The following IGF1R variants were observed in gnomAD, a reference collection of about 807,000 sequenced individuals.
IGF1R encodes insulin like growth factor 1 receptor.
Under a neutral mutation model 144.6 loss-of-function variants are expected in IGF1R, and 44 were observed. The ratio of observed to expected loss-of-function variants is 0.30; its 90% confidence interval spans 0.24 to 0.39. The LOEUF (loss-of-function observed/expected upper bound fraction) is 0.39. IGF1R is among the 10% of genes least tolerant of loss of function. IGF1R has a pLI of 1.00. For synonymous variants in IGF1R, 795 were observed against 722.8 expected (o/e 1.10, Z -1.60); for missense variants, 1,355 against 1,833.7 (o/e 0.74, Z 4.77).
At chr15:98,661,833 A>G (rs2052604946) in intron 1 of IGF1R, among the ~76,000 whole-genome samples, 2 of 152,174 alleles carry the variant, frequency 1.3e-5, no homozygotes, top group African/African-American at 4.8e-5. Flanking sequence ...AAAGCATCCA[A>G]TAAATGGATG....
chr15:98,705,877 G>T (rs2053850056), intron 1 of IGF1R, among the ~76,000 whole-genome samples: 1 of 152,168 alleles, frequency 6.6e-6, no homozygotes. Flanking sequence ...TATGACTTGG[G>T]TGCTATCAAA....
At chr15:98,854,327 G>GAA (rs1160663799) in intron 2 of IGF1R, among the ~76,000 whole-genome samples, 1 of 152,110 alleles carries the variant, frequency 6.6e-6, no homozygotes, top group Non-Finnish European at 1.5e-5. Context: ...TCGCCACAGT[G>GAA]AGCCTGGGTG....
intron 2 of IGF1R, among the ~76,000 whole-genome samples, chr15:98,748,475 C>T (rs561302599): frequency 1.6e-4 from 24 of 152,276 alleles, no homozygotes; most frequent in African/African-American, 5.5e-4. Context: ...ACATGCAGTC[C>T]GTGTACACTT....
chr15:98,904,342 G>T (rs897994257), intron 5 of IGF1R, among the ~76,000 whole-genome samples: 17 of 152,192 alleles, frequency 1.1e-4, no homozygotes, highest in African/African-American at 4.1e-4. Context: ...GTGAGCCACC[G>T]TGCCTGGCCT....
At chr15:98,703,346 A>G (rs890582577) in intron 1 of IGF1R, among the ~76,000 whole-genome samples, 6 of 152,204 alleles carry the variant, frequency 3.9e-5, no homozygotes, top group Admixed American at 3.3e-4. Context: ...CCCTCGGTGC[A>G]TGAATTATTT....
chr15:98,780,532 A>G (rs1278861306), intron 2 of IGF1R, among the ~76,000 whole-genome samples: 1 of 147,254 alleles, frequency 6.8e-6, no homozygotes, highest in African/African-American at 2.5e-5. Context: ...TTGGGCAAAA[A>G]GAATGAAACT....
chr15:98,716,274 G>A (rs1453856881), intron 2 of IGF1R, among the ~76,000 whole-genome samples: 2 of 152,136 alleles, frequency 1.3e-5, no homozygotes, highest in African/African-American at 4.8e-5. Context: ...AAGATTTCTT[G>A]CTTCCTGATC....
At chr15:98,678,873 C>T (rs907988471) in intron 1 of IGF1R, among the ~76,000 whole-genome samples, 4 of 150,644 alleles carry the variant, frequency 2.7e-5, no homozygotes, top group Admixed American at 2.0e-4. Flanking sequence ...AAAAGGTCTT[C>T]CATGGGTGTT....
chr15:98,734,688 G>A (rs2054571993), intron 2 of IGF1R: 1 of 152,204 alleles, frequency 6.6e-6, no homozygotes, highest in Non-Finnish European at 1.5e-5. Flanking sequence ...GTGTTTTAAT[G>A]TTGCCAGGAG....
rs45451693 is a variant in IGF1R, at chr15:98,700,369, A to G, written c.95-7193A>G. On this transcript the variant is annotated intron_variant, in intron 1 of 20. Coordinates refer to ENST00000650285, the MANE Select transcript of IGF1R (RefSeq NM_000875.5). ...GAGAAGTAACAGGTGCACAGGCTTT[A>G]CCTGCACCACACTGCAGATAAGGTG... Among the ~76,000 whole-genome samples the G allele has an allele frequency of 2.5e-3, 381 of 152,174 alleles. 13 individuals carry two copies. In the East Asian group the frequency reaches 0.053, roughly 21 times the overall value.
Position 98,837,795 on chromosome 15 carries a change from A to G in IGF1R, c.641-53530A>G, listed in dbSNP as rs1035904510. On this transcript the variant is annotated intron_variant, in intron 2 of 20. Coordinates refer to ENST00000650285, the MANE Select transcript of IGF1R (RefSeq NM_000875.5). ...AGACCTGCTCCTTCTCAAACTCTAA[A>G]CAGTTTCATTCACCATACTTTTCTC... is the stretch of plus-strand genomic sequence containing the variant. Among the ~76,000 whole-genome samples the G allele has an allele frequency of 2.4e-4, 36 of 152,232 alleles. 1 individual carries two copies. Among genetic ancestry groups the G allele is most frequent in the African/African-American group, 8.7e-4 (36 of 41,540 alleles).
At chr15:98,841,479 A>T (rs1433359512) in intron 2 of IGF1R, among the ~76,000 whole-genome samples, 2 of 152,170 alleles carry the variant, frequency 1.3e-5, no homozygotes, top group Admixed American at 6.5e-5. Flanking sequence ...AGAGAGAGAG[A>T]GAGTTAGTTT....
intron 19 of IGF1R, among the ~76,000 whole-genome samples, chr15:98,943,300 A>G (rs2016432858): frequency 6.6e-6 from 1 of 152,228 alleles, no homozygotes; most frequent in Non-Finnish European, 1.5e-5. Flanking sequence ...CCTTCAGCAG[A>G]TACCGATTAT....
At chr15:98,894,634 C>T (rs1465188903) in intron 3 of IGF1R, among the ~76,000 whole-genome samples, 1 of 152,186 alleles carries the variant, frequency 6.6e-6, no homozygotes, top group Admixed American at 6.5e-5. Flanking sequence ...CCAGGCACGG[C>T]GGCTCACGCC....
chr15:98,656,857 G>A (rs1247552265), intron 1 of IGF1R, among the ~76,000 whole-genome samples: 1 of 152,126 alleles, frequency 6.6e-6, no homozygotes, highest in African/African-American at 2.4e-5. Flanking sequence ...TTGCTGTTTT[G>A]TATACTTTTG....
intron 2 of IGF1R, among the ~76,000 whole-genome samples, chr15:98,794,708 C>T (rs796076558): frequency 2.0e-5 from 3 of 152,300 alleles, no homozygotes; most frequent in African/African-American, 7.2e-5. Context: ...GTAACAAAAT[C>T]AGTAATGAGT....
rs1384954081 is a variant in IGF1R at position 98,882,680 on chromosome 15, A to G, written c.641-8645A>G. On this transcript the variant is annotated intron_variant, in intron 2 of 20. Transcript: ENST00000650285. ...AAGAAGAGAGTGAATAGGGACAGTGATGAGGGGTGAAAATATGTAACTCCT... is the reference window on the plus strand; with the variant it reads ...AAGAAGAGAGTGAATAGGGACAGTGGTGAGGGGTGAAAATATGTAACTCCT... 2.0e-5 allele frequency among the ~76,000 whole-genome samples: 3 copies of G among 152,188 alleles called. No individual in the cohort carries two copies. The East Asian group carries it at 5.8e-4, about 29-fold the overall frequency.
chr15:98,890,864 C>T (rs985723126), intron 2 of IGF1R: 1 of 237,300 alleles, frequency 4.2e-6, no homozygotes, highest in African/African-American at 2.2e-5. Flanking sequence ...CATTTCTGCA[C>T]ACTAAGGCTT....
chr15:98,733,479 G>A (rs559498270), intron 2 of IGF1R, among the ~76,000 whole-genome samples: 24 of 139,530 alleles, frequency 1.7e-4, no homozygotes, highest in African/African-American at 6.1e-4. Flanking sequence ...ACTGTACCTG[G>A]CTGAGAAGGT....
Sources: gnomAD v4.1 joint callset for allele counts (sites outside exome capture counted in the v4.1 genomes callset) on GRCh38, gnomAD v4.1.1 for gene constraint, MANE v1.5 for transcripts, NCBI Gene and HGNC (gene_info 2026-07-23, HGNC 2026-07-21) for gene names.